SPAST: variants seen among roughly 807,000 people sequenced by gnomAD.
SPAST encodes spastin.
Under a neutral mutation model 76.6 loss-of-function variants are expected in SPAST, and 30 were observed. That is an observed-to-expected ratio of 0.39 (90% CI 0.29 to 0.53). SPAST has a LOEUF of 0.53. Ranked by LOEUF, SPAST falls within the 20% of genes least tolerant of loss-of-function variation. The pLI is 0.68. For missense variants in SPAST, 717 were observed against 770.5 expected (o/e 0.93, Z 0.82); for synonymous variants, 305 against 281.0 (o/e 1.09, Z -0.86).
Position 32,064,288 on chromosome 2 carries a change from A to G in SPAST, c.415+42A>G, listed in dbSNP as rs558632992. On this transcript the variant is annotated intron_variant, in intron 1 of 16. Coordinates refer to ENST00000315285, the MANE Select transcript of SPAST (RefSeq NM_014946.4). ...GGGAGGGGGCGGCGGCGCCGGGAAG[A>G]AGGCGGTGGGGTCGCCGGGGGAGGG... 196 of 1,073,442 alleles carry G rather than the reference A, an allele frequency of 1.8e-4. No individual in the cohort carries two copies. In the East Asian group the frequency reaches 6.0e-3, roughly 33 times the overall value. 66.5% of individuals were successfully genotyped at this position (1,073,442 alleles called of 1,614,324 possible). A position where few individuals can be genotyped will look rare whatever the true frequency, so the allele number is the denominator to read the frequency against.
intron 7 of SPAST, among the ~76,000 whole-genome samples, chr2:32,124,263 G>A (rs1352909742): frequency 6.6e-6 from 1 of 152,172 alleles, no homozygotes; most frequent in East Asian, 1.9e-4. Context: ...ACAAGCATAT[G>A]AATATATGCT....
rs1236171471 is a variant in SPAST at position 32,108,028 on chromosome 2, A to G, written c.683-6610A>G. On this transcript the variant is annotated intron_variant, in intron 4 of 16. Transcript: ENST00000315285. ...ATTACTAGACAGGCAAAGAAAAAGT[A>G]AAGTATAACCCTTACTCAAGAAAAA... is the stretch of plus-strand genomic sequence containing the variant. Among the ~76,000 whole-genome samples, 4 of 152,182 alleles carry G rather than the reference A, an allele frequency of 2.6e-5. No individual in the cohort carries two copies. The East Asian group carries it at 7.7e-4, about 29-fold the overall frequency.
Position 32,110,275 on chromosome 2 carries a change from C to T in SPAST, c.683-4363C>T, listed in dbSNP as rs190392201. 2.5e-3 allele frequency among the ~76,000 whole-genome samples: 374 copies of T among 148,916 alleles called. 5 individuals carry two copies. Among genetic ancestry groups the T allele is most frequent in the African/African-American group, 8.9e-3 (362 of 40,778 alleles). On this transcript the variant is annotated intron_variant, in intron 4 of 16. Coordinates refer to ENST00000315285, the MANE Select transcript of SPAST (RefSeq NM_014946.4). Reference sequence around the variant, plus strand: ...CTGGGATTACAGGCACGTGGCACCACGCCAGGCTAATTTTTTGTATCTTTA... The same window carrying T: ...CTGGGATTACAGGCACGTGGCACCATGCCAGGCTAATTTTTTGTATCTTTA...
At chr2:32,123,911 A>G (rs181071796) in intron 7 of SPAST, among the ~76,000 whole-genome samples, 216 of 152,288 alleles carry the variant, frequency 1.4e-3, no homozygotes, top group Non-Finnish European at 2.0e-3. Context: ...TGAAACTTCT[A>G]GAGGATAACA....
At chr2:32,140,454 C>T (rs2148757037) in intron 12 of SPAST, among the ~76,000 whole-genome samples, 1 of 152,110 alleles carries the variant, frequency 6.6e-6, no homozygotes, top group East Asian at 1.9e-4. Flanking sequence ...ACAACCCTGT[C>T]TCTGCTAAAA....
At chr2:32,117,820 CTG>C (rs548905802) in intron 7 of SPAST, among the ~76,000 whole-genome samples, 213 of 152,272 alleles carry the variant, frequency 1.4e-3, no homozygotes, top group Non-Finnish European at 2.5e-3. Context: ...GCAGAGGCCA[CTG>C]TGCCTGGCAT....
chr2:32,089,168 TC>T (rs1677610044), intron 2 of SPAST, among the ~76,000 whole-genome samples: 1 of 149,992 alleles, frequency 6.7e-6, no homozygotes. Flanking sequence ...GCTGAAGTGA[TC>T]CTTGCAACTC....
Position 32,064,251 on chromosome 2 carries a change from CTAGGGGGCTGGGG to C in SPAST, c.415+6_415+18del, listed in dbSNP as rs2148685900. ...GCATCGATGAGGATGAGAAAGGTAACTAGGGGGCTGGGGGAGGGGGCGGCGGCGCCGGGAAGAA... is the reference window on the plus strand; with the variant it reads ...GCATCGATGAGGATGAGAAAGGTAACGAGGGGGCGGCGGCGCCGGGAAGAA... On this transcript the variant is annotated splice_donor_region_variant and intron_variant, in intron 1 of 16. Coordinates refer to ENST00000315285, the MANE Select transcript of SPAST (RefSeq NM_014946.4). 1 of 1,368,998 alleles carries C rather than the reference CTAGGGGGCTGGGG, an allele frequency of 7.3e-7. No homozygotes were observed. Among genetic ancestry groups the C allele is most frequent in the African/African-American group, 1.5e-5 (1 of 64,536 alleles). 84.8% of individuals were successfully genotyped at this position (1,368,998 alleles called of 1,614,324 possible).
intron 2 of SPAST, among the ~76,000 whole-genome samples, chr2:32,088,116 G>A (rs900456605): frequency 6.6e-6 from 1 of 151,902 alleles, no homozygotes; most frequent in African/African-American, 2.4e-5. Context: ...TCGAACTCCT[G>A]ATCTCAAGTG....
rs1201815863 is a variant in SPAST, at chr2:32,063,863, A to G, written c.32A>G (p.Lys11Arg). The G allele has an allele frequency of 6.3e-7, 1 of 1,585,166 alleles. No homozygotes were observed. The highest frequency in any genetic ancestry group is 1.3e-5 in the African/African-American group (1 of 74,514). The change falls in exon 1 of 17, where the codon AAA becomes AGA. Residue 11 changes from lysine (K) to arginine (R), a missense_variant. Physicochemically the swap from Lys to Arg is conservative, Grantham distance 26. Coordinates refer to ENST00000315285, the MANE Select transcript of SPAST (RefSeq NM_014946.4). The part of the protein sequence containing the change: MNSPGGRGKK[K>R]GSGGASNPVP... Reference sequence around the variant, plus strand: ...TCTCCGGGTGGACGAGGGAAGAAGAAAGGCTCCGGCGGCGCCAGCAACCCG... The same window carrying G: ...TCTCCGGGTGGACGAGGGAAGAAGAGAGGCTCCGGCGGCGCCAGCAACCCG...
At chr2:32,069,042 G>GTC (rs765927193) in intron 1 of SPAST, among the ~76,000 whole-genome samples, 9 of 151,934 alleles carry the variant, frequency 5.9e-5, no homozygotes, top group Non-Finnish European at 1.3e-4. Context: ...GTGAAACCCC[G>GTC]TCTCTACTAA....
At chr2:32,119,728 A>G (rs1244471902) in intron 7 of SPAST, among the ~76,000 whole-genome samples, 1 of 152,218 alleles carries the variant, frequency 6.6e-6, no homozygotes, top group Non-Finnish European at 1.5e-5. Flanking sequence ...AGCAGAAAAT[A>G]GAACATGCCC....
chr2:32,100,818 C>T (rs1052485103), intron 4 of SPAST, among the ~76,000 whole-genome samples: 2 of 152,162 alleles, frequency 1.3e-5, no homozygotes, highest in Non-Finnish European at 2.9e-5. Context: ...GCTTAGTATT[C>T]CATGGTGTAT....
At chr2:32,139,830 C>G (rs1679658011) in intron 12 of SPAST, among the ~76,000 whole-genome samples, 4 of 145,506 alleles carry the variant, frequency 2.7e-5, no homozygotes, top group African/African-American at 5.1e-5. Context: ...GAATCCGTTT[C>G]CAAAATTAAA....
intron 2 of SPAST, among the ~76,000 whole-genome samples, chr2:32,088,806 GAT>G (rs1478461187): frequency 6.6e-6 from 1 of 152,082 alleles, no homozygotes; most frequent in Non-Finnish European, 1.5e-5. Context: ...GTTTTATTTA[GAT>G]ATGGTTATAA....
At chr2:32,111,386 A>AGT (rs1414946122) in intron 4 of SPAST, among the ~76,000 whole-genome samples, 8 of 147,700 alleles carry the variant, frequency 5.4e-5, no homozygotes, top group African/African-American at 7.4e-5. Flanking sequence ...TATACTGTAT[A>AGT]GCGTATAGAG....
At chr2:32,074,349 A>T (rs1053550469) in intron 1 of SPAST, among the ~76,000 whole-genome samples, 1 of 152,086 alleles carries the variant, frequency 6.6e-6, no homozygotes, top group African/African-American at 2.4e-5. Context: ...CTGTGTTTAG[A>T]CATAATTGTA....
chr2:32,099,972 A>G (rs1240611742), intron 4 of SPAST, among the ~76,000 whole-genome samples: 1 of 126,454 alleles, frequency 7.9e-6, no homozygotes, highest in Non-Finnish European at 1.7e-5. Flanking sequence ...TGCAGTAAAC[A>G]TGGGGTGTAG....
intron 7 of SPAST, among the ~76,000 whole-genome samples, chr2:32,120,175 A>G (rs138002817): frequency 6.8e-4 from 103 of 152,282 alleles, no homozygotes; most frequent in Non-Finnish European, 1.2e-3. Flanking sequence ...ATATAAGCTT[A>G]AACATAAGCC....
Sources: allele counts gnomAD v4.1 joint callset (sites outside exome capture counted in the v4.1 genomes callset), GRCh38; gene constraint gnomAD v4.1.1; transcripts MANE v1.5; gene names NCBI Gene and HGNC (gene_info 2026-07-23, HGNC 2026-07-21).